Variants in CAMK2B observed in about 807,000 individuals in gnomAD.
CAMK2B encodes calcium/calmodulin dependent protein kinase II beta.
In CAMK2B, 27 loss-of-function variants were observed where a neutral mutation model predicts 93.7. That is an observed-to-expected ratio of 0.29 (90% CI 0.21 to 0.40). The LOEUF (loss-of-function observed/expected upper bound fraction) is 0.40. CAMK2B is among the 10% of genes least tolerant of loss of function. The pLI, the probability that CAMK2B is intolerant of heterozygous loss-of-function variation, is 1.00. For missense variants in CAMK2B, 568 were observed against 895.8 expected, an observed-to-expected ratio of 0.63 and a Z score of 4.67; for synonymous variants, 374 against 358.8, an observed-to-expected ratio of 1.04 and a Z score of -0.48.
At position 44,271,549 on chromosome 7, in the gene CAMK2B, G is replaced by A. The variant is rs527329356; in HGVS notation, c.161-8485C>T. Among the ~76,000 whole-genome samples, 1 of 152,372 alleles carries A rather than the reference G, an allele frequency of 6.6e-6. No individual in the cohort carries two copies. The highest frequency in any genetic ancestry group is 2.4e-5 in the African/African-American group (1 of 41,586). On this transcript the variant is annotated intron_variant, in intron 2 of 23. Coordinates refer to ENST00000395749, the MANE Select transcript of CAMK2B (RefSeq NM_001220.5). The surrounding 1 kb of genome is among the most constrained non-coding windows in gnomAD (Gnocchi z 4.2). Reference sequence around the variant, plus strand: ...CATTGGCTGTGGGGTGGGGCAGGCAGAGGCCAGCTCACATCTTGGGGCCAG... The same window carrying A: ...CATTGGCTGTGGGGTGGGGCAGGCAAAGGCCAGCTCACATCTTGGGGCCAG...
At position 44,219,339 on chromosome 7, in the gene CAMK2B, A is replaced by AT. The variant is rs2096368487; in HGVS notation, c.*185dup. The stretch of plus-strand genomic sequence containing the variant: ...AATTTTTTTTGTGGTTGTCGTCGTC[A>AT]TCTTGTTTTTTTTTTTTTTTTTTTT... On this transcript the variant is annotated 3_prime_UTR_variant, in exon 24 of 24. Transcript: ENST00000395749. The AT allele has an allele frequency of 2.7e-5, 1 of 36,436 alleles. No individual in the cohort carries two copies. The highest frequency in any genetic ancestry group is 5.7e-5 in the Non-Finnish European group (1 of 17,574). The allele number at this position is 36,436 out of a possible 1,614,324, so 2.3% of individuals were successfully genotyped here.
At chr7:44,258,397 G>A (rs937343630) in intron 4 of CAMK2B, among the ~76,000 whole-genome samples, 17 of 152,066 alleles carry the variant, frequency 1.1e-4, no homozygotes, top group South Asian at 1.0e-3. Context: ...ATGTGCTCAC[G>A]CGCCCCCACG....
chr7:44,237,380 C>T (rs1023199230), intron 13 of CAMK2B, among the ~76,000 whole-genome samples: 2 of 152,228 alleles, frequency 1.3e-5, no homozygotes, highest in African/African-American at 2.4e-5. Context: ...CAGCAAATGC[C>T]ACGTACAAAC....
At chr7:44,239,528 G>C in intron 13 of CAMK2B, 61 bp downstream of exon 13, 24 of 1,422,920 alleles carry the variant, frequency 1.7e-5, no homozygotes, top group Non-Finnish European at 2.3e-5. Flanking sequence ...GCAGCAGGGG[G>C]CTGCATGCTG....
At chr7:44,235,385 C>T (rs988732580) in intron 13 of CAMK2B, among the ~76,000 whole-genome samples, 6 of 152,360 alleles carry the variant, frequency 3.9e-5, no homozygotes, top group Non-Finnish European at 7.3e-5. Context: ...GTCCCAGCAG[C>T]GGGGCCCCTG....
intron 1 of CAMK2B, among the ~76,000 whole-genome samples, chr7:44,317,000 A>G (rs1794963549): frequency 1.3e-5 from 2 of 152,134 alleles, no homozygotes; most frequent in African/African-American, 2.4e-5. Flanking sequence ...CTTCTACCCT[A>G]TCATATAATT....
Position 44,325,522 on chromosome 7 carries a change from G to C in CAMK2B, c.-101C>G. ...GGCGGCGACACGGGCGCGGGCGCGG[G>C]AGACACCTCGGCTCGCGGCGCCAGG... On this transcript the variant is annotated 5_prime_UTR_variant, in exon 1 of 24. Coordinates refer to ENST00000395749, the MANE Select transcript of CAMK2B (RefSeq NM_001220.5). 1 of 676,656 alleles carries C rather than the reference G, an allele frequency of 1.5e-6. No homozygotes were observed. The highest frequency in any genetic ancestry group is 1.8e-6 in the Non-Finnish European group (1 of 548,644). The allele number at this position is 676,656 out of a possible 1,614,324, so 41.9% of individuals were successfully genotyped here.
At chr7:44,244,265 CAGA>C (rs1554390262) in intron 6 of CAMK2B, among the ~76,000 whole-genome samples, 1 of 152,204 alleles carries the variant, frequency 6.6e-6, no homozygotes, top group Non-Finnish European at 1.5e-5. Context: ...TTGCTCAAGC[CAGA>C]AGGACATCTG....
At chr7:44,238,917 C>A (rs1407607541) in intron 13 of CAMK2B, among the ~76,000 whole-genome samples, 1 of 74 alleles carries the variant, frequency 0.014, no homozygotes, top group Admixed American at 0.071. Context: ...CAGAAGCCAA[C>A]TTGGGCCTCT....
At chr7:44,241,603 C>T (rs1210384343) in intron 11 of CAMK2B, 97 bp downstream of exon 11, 2 of 890,728 alleles carry the variant, frequency 2.2e-6, no homozygotes, top group African/African-American at 1.6e-5. Context: ...CAGCAGTAAC[C>T]CCTAGGTCTG....
chr7:44,242,120 C>G (rs2096685715), intron 10 of CAMK2B, 98 bp downstream of exon 10: 3 of 1,435,860 alleles, frequency 2.1e-6, no homozygotes, highest in Admixed American at 2.2e-5. Flanking sequence ...TCTTGGATGT[C>G]AGGAACAGGA....
chr7:44,299,468 A>G (rs1167538335), intron 1 of CAMK2B, among the ~76,000 whole-genome samples: 2 of 152,252 alleles, frequency 1.3e-5, no homozygotes, highest in South Asian at 2.1e-4. Context: ...TGATGGTAGC[A>G]CAACAATGTG....
intron 5 of CAMK2B, among the ~76,000 whole-genome samples, chr7:44,254,221 G>A (rs2096810442): frequency 6.6e-6 from 1 of 152,204 alleles, no homozygotes; most frequent in African/African-American, 2.4e-5. Context: ...TCAGCCTTGT[G>A]GGAAGGGCTG....
At chr7:44,241,943 C>T (rs1418599804) in intron 10 of CAMK2B, among the ~76,000 whole-genome samples, 160 bp from the exon 11 acceptor site, 1 of 152,202 alleles carries the variant, frequency 6.6e-6, no homozygotes, top group African/African-American at 2.4e-5. Context: ...GACTTCAAGA[C>T]TCGTCTCTCC....
intron 3 of CAMK2B, among the ~76,000 whole-genome samples, chr7:44,261,627 C>T (rs1046187730): frequency 6.6e-6 from 1 of 151,948 alleles, no homozygotes; most frequent in Non-Finnish European, 1.5e-5. Context: ...GAGTCTGGGC[C>T]GTATGCATGT....
intron 1 of CAMK2B, among the ~76,000 whole-genome samples, chr7:44,320,168 T>C (rs575360225): frequency 2.8e-4 from 43 of 152,264 alleles, no homozygotes; most frequent in African/African-American, 1.0e-3. Context: ...GCTGGTGTCA[T>C]ATGGAGTCAG....
At chr7:44,264,268 C>T (rs1402883174) in intron 2 of CAMK2B, among the ~76,000 whole-genome samples, 9 of 152,228 alleles carry the variant, frequency 5.9e-5, no homozygotes, top group Non-Finnish European at 1.3e-4. Context: ...CTCTGATCCC[C>T]GTGCTTGGCA....
rs117952227 is a variant in CAMK2B, at chr7:44,287,698, C to T, written c.66-3473G>A. On this transcript the variant is annotated intron_variant, in intron 1 of 23. Coordinates refer to ENST00000395749, the MANE Select transcript of CAMK2B (RefSeq NM_001220.5). ...GTTTATAAACATTGAGAGACAACAC[C>T]GACAAAGAGCCTGGATCTGTATCAT... 3.9e-4 allele frequency among the ~76,000 whole-genome samples: 60 copies of T among 152,320 alleles called. No individual in the cohort carries two copies. In the East Asian group the frequency reaches 7.5e-3, roughly 19 times the overall value.
chr7:44,228,405 A>G (rs1041000864), intron 19 of CAMK2B, among the ~76,000 whole-genome samples: 2 of 152,102 alleles, frequency 1.3e-5, no homozygotes, highest in Non-Finnish European at 1.5e-5. Flanking sequence ...CCTGGGCACC[A>G]TGGGCAGGGC....
Sources: gnomAD v4.1 joint callset for allele counts (sites outside exome capture counted in the v4.1 genomes callset) on GRCh38, gnomAD v4.1.1 for gene constraint, Gnocchi (gnomAD v3.1) non-coding constraint, MANE v1.5 for transcripts, NCBI Gene and HGNC (gene_info 2026-07-23, HGNC 2026-07-21) for gene names.